Variants in ABCC8 observed in about 807,000 individuals in gnomAD.
The protein encoded by ABCC8 is ATP-binding cassette sub-family C member 8.
A neutral mutation model predicts 188.0 loss-of-function variants in ABCC8; 137 were observed. That is an observed-to-expected ratio of 0.73 (90% confidence interval 0.63 to 0.84). The LOEUF (loss-of-function observed/expected upper bound fraction) is 0.84. Ranked by LOEUF, ABCC8 falls within the 40% of genes least tolerant of loss-of-function variation. ABCC8 has a pLI of 0.00. For synonymous variants in ABCC8, 797 were observed against 846.5 expected, an observed-to-expected ratio of 0.94 and a Z score of 1.01; for missense variants, 1,750 against 2,072.7, an observed-to-expected ratio of 0.84 and a Z score of 3.02.
At chr11:17,411,440 G>A (rs941801250) in intron 21 of ABCC8, among the ~76,000 whole-genome samples, 6 of 152,228 alleles carry the variant, frequency 3.9e-5, no homozygotes, top group East Asian at 3.8e-4. Context: ...TTTGTAAAAC[G>A]CTGTGTGTGT....
chr11:17,414,912 A>G (rs1435326880), intron 18 of ABCC8, among the ~76,000 whole-genome samples: 2 of 152,136 alleles, frequency 1.3e-5, no homozygotes, highest in East Asian at 1.9e-4. Context: ...GACCAAACCA[A>G]GGGAACACTC....
chr11:17,399,275 C>CAAAAAAAAAA (rs57138230), intron 29 of ABCC8, among the ~76,000 whole-genome samples: 14 of 58,546 alleles, frequency 2.4e-4, no homozygotes, highest in Non-Finnish European at 3.1e-4. Context: ...GACTCTGCCT[C>CAAAAAAAAAA]AAAAAAAAAA....
At chr11:17,434,432 A>T (rs1184609488) in intron 10 of ABCC8, among the ~76,000 whole-genome samples, 1 of 152,252 alleles carries the variant, frequency 6.6e-6, no homozygotes, top group Non-Finnish European at 1.5e-5. Flanking sequence ...CTGAGTAATC[A>T]TTCAAGAGCA....
chr11:17,394,250 G>C lies in ABCC8; in HGVS notation c.4545+16C>G. ...CTTTCCAAGACCATGGTCCCATGGA[G>C]GGGCCCAGGACCAACCGTGGCCATG... On this transcript the variant is annotated intron_variant, in intron 37 of 38. Coordinates refer to ENST00000389817, the MANE Select transcript of ABCC8 (RefSeq NM_000352.6). 1.2e-6 allele frequency: 2 copies of C among 1,612,422 alleles called. No individual in the cohort carries two copies. The highest frequency in any genetic ancestry group is 1.7e-6 in the Non-Finnish European group (2 of 1,178,966).
chr11:17,428,630 G>T lies in ABCC8; in HGVS notation c.1858C>A (p.Arg620Ser). The stretch of plus-strand genomic sequence containing the variant: ...TCATGGGGGGCACACTGCTCCTCAC[G>T]GATCTCTGCACTGGACAGGAACTCG... ...LSEFLSSAEI[R>S]EEQCAPHEPT... Residue 620 changes from arginine to serine, a missense_variant, in exon 13 of 39, where the codon CGT becomes AGT. Arg to Ser is a moderately radical substitution (Grantham distance 110). Transcript: ENST00000389817. The T allele has an allele frequency of 6.2e-7, 1 of 1,613,976 alleles. No individual in the cohort carries two copies. The highest frequency in any genetic ancestry group is 8.5e-7 in the Non-Finnish European group (1 of 1,180,032).
intron 16 of ABCC8, among the ~76,000 whole-genome samples, chr11:17,426,193 A>T (rs1955574854): frequency 6.6e-6 from 1 of 152,212 alleles, no homozygotes; most frequent in African/African-American, 2.4e-5. Flanking sequence ...TCCTTTGGGT[A>T]TATACCCAGT....
chr11:17,399,966 C>T lies in ABCC8; in HGVS notation c.3651-1525G>A, dbSNP rs1028008252. Among the ~76,000 whole-genome samples, 14 of 152,212 alleles carry T rather than the reference C, an allele frequency of 9.2e-5. No homozygotes were observed. In the East Asian group the frequency reaches 1.7e-3, roughly 19 times the overall value. Reference sequence around the variant, plus strand: ...GGCCGCTTCCCTCAGACCTTGCTGACGTAGGCCCGGCCCAGAGGAGATGCA... The same window carrying T: ...GGCCGCTTCCCTCAGACCTTGCTGATGTAGGCCCGGCCCAGAGGAGATGCA... On this transcript the variant is annotated intron_variant, in intron 29 of 38. Coordinates refer to ENST00000389817, the MANE Select transcript of ABCC8 (RefSeq NM_000352.6).
At position 17,404,367 on chromosome 11, in the gene ABCC8, A is replaced by G; in HGVS notation, c.3557+145T>C. The G allele has an allele frequency of 2.5e-6, 2 of 806,050 alleles. No individual in the cohort carries two copies. Among genetic ancestry groups the G allele is most frequent in the South Asian group, 1.4e-5 (1 of 69,802 alleles). 49.9% of individuals were successfully genotyped at this position (806,050 alleles called of 1,614,324 possible). On this transcript the variant is annotated intron_variant, in intron 28 of 38. Coordinates refer to ENST00000389817, the MANE Select transcript of ABCC8 (RefSeq NM_000352.6). The surrounding 1 kb of genome is among the most constrained non-coding windows in gnomAD (Gnocchi z 4.7). Reference sequence around the variant, plus strand: ...ATTAGGGCGGTGGAATAAGATGTGGATATTTCTATTTCCTTCATTTCTGTT... The same window carrying G: ...ATTAGGGCGGTGGAATAAGATGTGGGTATTTCTATTTCCTTCATTTCTGTT...
At position 17,453,156 on chromosome 11, in the gene ABCC8, G is replaced by C. The variant is rs755938151; in HGVS notation, c.1139C>G (p.Ala380Gly). ...RTFLQASYYV[A>G]IETGINLRGA... ...TCTCAAGTTAATTCCAGTTTCAATG[G>C]CCACATAGTAGGATGCTTGCAGAAA... Residue 380 changes from alanine to glycine, a missense_variant, in exon 7 of 39, where the codon GCC becomes GGC. Coordinates refer to ENST00000389817, the MANE Select transcript of ABCC8 (RefSeq NM_000352.6). 8 of 1,614,046 alleles carry C rather than the reference G, an allele frequency of 5.0e-6. No homozygotes were observed. The Admixed American group carries it at 1.2e-4, about 24-fold the overall frequency.
At chr11:17,469,982 C>T (rs1409497901) in intron 3 of ABCC8, 119 bp downstream of exon 3, 5 of 1,336,052 alleles carry the variant, frequency 3.7e-6, no homozygotes, top group African/African-American at 2.9e-5. Flanking sequence ...GGATTTTTTT[C>T]TTTTTCTATT....
intron 6 of ABCC8, among the ~76,000 whole-genome samples, chr11:17,453,843 C>T (rs1333121954): frequency 2.0e-5 from 3 of 152,210 alleles, no homozygotes; most frequent in Non-Finnish European, 1.5e-5. Flanking sequence ...GCCCGCCAGC[C>T]TCATGGGCTC....
At chr11:17,450,246 TTCTTTCTTTCTTTCTC>T (rs1344495104) in intron 7 of ABCC8, among the ~76,000 whole-genome samples, 5 of 67,888 alleles carry the variant, frequency 7.4e-5, no homozygotes, top group African/African-American at 2.3e-4. Context: ...TCTTTTCTTT[TTCTTTCTTTCTTTCTC>T]TTTCTTTCTT....
rs72559715 is a variant in ABCC8 at position 17,394,379 on chromosome 11, C to T, written c.4432G>A (p.Gly1478Arg). 1 of 1,614,090 alleles carries T rather than the reference C, an allele frequency of 6.2e-7. No individual in the cohort carries two copies. Among genetic ancestry groups the T allele is most frequent in the African/African-American group, 1.3e-5 (1 of 74,940 alleles). The change falls in exon 37 of 39, where the codon GGG becomes AGG. Residue 1478 changes from glycine (G) to arginine (R), a missense_variant. By Grantham distance (125) the Gly-to-Arg change is moderately radical (BLOSUM62 -2). Coordinates refer to ENST00000389817, the MANE Select transcript of ABCC8 (RefSeq NM_000352.6). ...CTCTGTCCCTGGCTGAAATTCTCCCCGCCTTCTGTGATGATGGCATCTGAA... is the reference window on the plus strand; with the variant it reads ...CTCTGTCCCTGGCTGAAATTCTCCCTGCCTTCTGTGATGATGGCATCTGAA... Reference protein sequence around the residue: ...GGLDAIITEGGENFSQGQRQL... With the variant: ...GGLDAIITEGRENFSQGQRQL...
At chr11:17,445,816 A>G (rs904384436) in intron 8 of ABCC8, among the ~76,000 whole-genome samples, 2 of 151,954 alleles carry the variant, frequency 1.3e-5, no homozygotes, top group African/African-American at 4.8e-5. Context: ...GGGTTAAATT[A>G]TACAAGGGAG....
At chr11:17,430,170 C>G (rs1233346301) in intron 12 of ABCC8, 1 of 160,070 alleles carries the variant, frequency 6.2e-6, no homozygotes, top group Non-Finnish European at 1.4e-5. Flanking sequence ...TCACTCCAGA[C>G]AGGGCATTTC....
chr11:17,435,706 G>T (rs1434386329), intron 10 of ABCC8: 1 of 1,377,698 alleles, frequency 7.3e-7, no homozygotes, highest in Non-Finnish European at 1.0e-6. Context: ...GGACAGTACA[G>T]TAAGAACCGG....
intron 21 of ABCC8, among the ~76,000 whole-genome samples, chr11:17,411,098 G>T (rs1173109802): frequency 6.6e-6 from 1 of 152,166 alleles, no homozygotes; most frequent in Non-Finnish European, 1.5e-5. Context: ...CCTTTTGTCT[G>T]CCTTGTGAAC....
rs368887692 is a variant in ABCC8, at chr11:17,414,626, C to T, written c.2292-16G>A. The T allele has an allele frequency of 4.2e-5, 68 of 1,613,996 alleles. No homozygotes were observed. Among genetic ancestry groups the T allele is most frequent in the South Asian group, 4.1e-4 (37 of 91,086 alleles). On this transcript the variant is annotated splice_polypyrimidine_tract_variant and intron_variant, in intron 18 of 38. Coordinates refer to ENST00000389817, the MANE Select transcript of ABCC8 (RefSeq NM_000352.6). ...GCCTCTCTTCCTGGAAAAAGCAGGGCGGGAGTAGGGGGTGCGGAAGGCATT... is the reference window on the plus strand; with the variant it reads ...GCCTCTCTTCCTGGAAAAAGCAGGGTGGGAGTAGGGGGTGCGGAAGGCATT...
At chr11:17,450,685 C>CTTTTTT (rs71047553) in intron 7 of ABCC8, among the ~76,000 whole-genome samples, 1,594 of 76,706 alleles carry the variant, frequency 0.021, 211 homozygotes, top group African/African-American at 0.075. Flanking sequence ...GCATGAGCCA[C>CTTTTTT]TTTTTTTTTT....
Sources: gnomAD v4.1 joint callset for allele counts (sites outside exome capture counted in the v4.1 genomes callset) on GRCh38, gnomAD v4.1.1 for gene constraint, Gnocchi (gnomAD v3.1) non-coding constraint, MANE v1.5 for transcripts, NCBI Gene and HGNC (gene_info 2026-07-23, HGNC 2026-07-21) for gene names.